BCAR3: variants seen among roughly 807,000 people sequenced by gnomAD.
BCAR3 encodes the protein breast cancer anti-estrogen resistance protein 3.
Under a neutral mutation model 80.1 loss-of-function variants are expected in BCAR3, and 37 were observed. The observed-to-expected ratio is 0.46, with a 90% CI of 0.36 to 0.61. BCAR3 has a LOEUF of 0.61. BCAR3 is among the 20% of genes least tolerant of loss of function. BCAR3 has a pLI of 0.00. For missense variants in BCAR3, 978 were observed against 1,068.2 expected, an observed-to-expected ratio of 0.92 and a Z score of 1.18; for synonymous variants, 389 against 418.9, an observed-to-expected ratio of 0.93 and a Z score of 0.87.
chr1:93,725,705 TA>T (rs1650558347), intron 2 of BCAR3, among the ~76,000 whole-genome samples: 1 of 152,262 alleles, frequency 6.6e-6, no homozygotes, highest in Admixed American at 6.5e-5. Context: ...TATTCTTCAG[TA>T]TTCTCTCTAA....
intron 3 of BCAR3, among the ~76,000 whole-genome samples, chr1:93,596,756 A>C (rs992188229): frequency 1.3e-5 from 2 of 152,196 alleles, no homozygotes; most frequent in East Asian, 1.9e-4. Context: ...CATTCCTAGA[A>C]GGCATCTGAT....
chr1:93,790,524 C>A lies in BCAR3; in HGVS notation c.-63+55043G>T, dbSNP rs138753668. ...ATGGGTTATTCTGTCCTAAAGGTAG[C>A]TTTCCTATGAATCCAGTAGTGCACT... is the stretch of plus-strand genomic sequence containing the variant. On this transcript the variant is annotated intron_variant, in intron 2 of 13. Transcript: ENST00000370244. Among the ~76,000 whole-genome samples the A allele has an allele frequency of 7.3e-5, 11 of 150,902 alleles. No individual in the cohort carries two copies. In the East Asian group the frequency reaches 2.1e-3, roughly 29 times the overall value.
At chr1:93,670,353 C>A (rs1648144264) in intron 2 of BCAR3, among the ~76,000 whole-genome samples, 1 of 152,138 alleles carries the variant, frequency 6.6e-6, no homozygotes, top group Admixed American at 6.5e-5. Context: ...ATACAGTCAC[C>A]AAAAGAGAAG....
chr1:93,690,996 G>A (rs1243842419), intron 3 of BCAR3, among the ~76,000 whole-genome samples: 2 of 152,148 alleles, frequency 1.3e-5, no homozygotes, highest in Admixed American at 6.5e-5. Context: ...TGCCTAAACC[G>A]AGTCCAATTA....
chr1:93,584,337 T>C (rs1383669110), intron 5 of BCAR3, among the ~76,000 whole-genome samples: 3 of 152,228 alleles, frequency 2.0e-5, no homozygotes, highest in African/African-American at 7.2e-5. Flanking sequence ...TCCATCCCCC[T>C]GTCCCCATGA....
intron 2 of BCAR3, among the ~76,000 whole-genome samples, chr1:93,658,946 T>C (rs565176830): frequency 6.6e-6 from 1 of 152,266 alleles, no homozygotes; most frequent in Non-Finnish European, 1.5e-5. Flanking sequence ...TAGTCTACCA[T>C]TTAACCAACC....
At chr1:93,748,190 G>T (rs1000014221) in intron 2 of BCAR3, among the ~76,000 whole-genome samples, 1 of 152,198 alleles carries the variant, frequency 6.6e-6, no homozygotes, top group South Asian at 2.1e-4. Flanking sequence ...AGCATAGAGA[G>T]ATAGCCATTG....
chr1:93,575,862 C>A, intron 8 of BCAR3, 152 bp downstream of exon 8: 1 of 619,360 alleles, frequency 1.6e-6, no homozygotes, highest in African/African-American at 1.8e-5. Context: ...CAGGCTCAGG[C>A]TTCTGGGAAG....
chr1:93,772,692 C>T (rs1401806622), intron 2 of BCAR3, among the ~76,000 whole-genome samples: 1 of 152,076 alleles, frequency 6.6e-6, no homozygotes, highest in Non-Finnish European at 1.5e-5. Context: ...GCAACCTGCA[C>T]CTGCCGGGTT....
At chr1:93,649,890 A>G (rs1191177806) in intron 2 of BCAR3, among the ~76,000 whole-genome samples, 1 of 150,810 alleles carries the variant, frequency 6.6e-6, no homozygotes, top group African/African-American at 2.4e-5. Context: ...TACCCACTCT[A>G]CCCGCAACCA....
chr1:93,580,571 A>C (rs1422965679), intron 7 of BCAR3, among the ~76,000 whole-genome samples: 1 of 151,886 alleles, frequency 6.6e-6, no homozygotes, highest in African/African-American at 2.4e-5. Context: ...CCTTGCCATT[A>C]TTCCCTAAAT....
Position 93,623,067 on chromosome 1 carries a change from C to T in BCAR3, c.357+19237G>A, listed in dbSNP as rs3767982. Among the ~76,000 whole-genome samples the T allele has an allele frequency of 3.7e-4, 57 of 152,246 alleles. No individual in the cohort carries two copies. In the East Asian group the frequency reaches 4.3e-3, roughly 11 times the overall value. ...CACAGCCCCTCTGGACATCCCCACC[C>T]CCTGCCCATAACTTCTCTGTAACAG... On this transcript the variant is annotated intron_variant, in intron 3 of 11. Transcript: ENST00000260502.
chr1:93,744,842 C>T (rs1453028783), intron 2 of BCAR3, among the ~76,000 whole-genome samples: 1 of 152,204 alleles, frequency 6.6e-6, no homozygotes, highest in African/African-American at 2.4e-5. Context: ...AAGAAAGCTG[C>T]CATGGTGTCT....
chr1:93,632,055 G>A (rs1285252100), intron 3 of BCAR3, among the ~76,000 whole-genome samples: 2 of 152,196 alleles, frequency 1.3e-5, no homozygotes, highest in South Asian at 2.1e-4. Flanking sequence ...TGCCAGAACC[G>A]ACCAGGGCAG....
intron 3 of BCAR3, among the ~76,000 whole-genome samples, chr1:93,620,228 C>T (rs1675267812): frequency 6.6e-6 from 1 of 152,188 alleles, no homozygotes; most frequent in Non-Finnish European, 1.5e-5. Context: ...TACTTAGGAG[C>T]TGGTATAATA....
chr1:93,832,299 A>C (rs1654594320), intron 2 of BCAR3, among the ~76,000 whole-genome samples: 1 of 152,214 alleles, frequency 6.6e-6, no homozygotes, highest in African/African-American at 2.4e-5. Context: ...GCAGTCAGGC[A>C]TTCCTCCAGG....
At chr1:93,617,793 C>A (rs1012983434) in intron 3 of BCAR3, among the ~76,000 whole-genome samples, 19 of 152,158 alleles carry the variant, frequency 1.2e-4, no homozygotes, top group Admixed American at 6.5e-5. Flanking sequence ...CTGGACCTTG[C>A]CCCACTCAGC....
At position 93,830,737 on chromosome 1, in the gene BCAR3, C is replaced by T. The variant is rs564277365; in HGVS notation, c.-63+14830G>A. On this transcript the variant is annotated intron_variant, in intron 2 of 13. Transcript: ENST00000370244. ...CTGTTTGGTGGTCTCTTCACACGGA[C>T]GTGCGTCACATTTGGTGCCAAAACC... 1.6e-4 allele frequency among the ~76,000 whole-genome samples: 24 copies of T among 152,158 alleles called. 1 individual carries two copies. The South Asian group carries it at 3.3e-3, about 21-fold the overall frequency.
At chr1:93,702,379 A>C (rs912626238) in intron 3 of BCAR3, among the ~76,000 whole-genome samples, 1 of 152,208 alleles carries the variant, frequency 6.6e-6, no homozygotes. Flanking sequence ...ACCTCAGCCC[A>C]ACTGTCTCCT....
Sources: gnomAD v4.1 joint callset for allele counts (sites outside exome capture counted in the v4.1 genomes callset) on GRCh38, gnomAD v4.1.1 for gene constraint, MANE v1.5 for transcripts, NCBI Gene and HGNC (gene_info 2026-07-23, HGNC 2026-07-21) for gene names.